DCHS2: variants seen among roughly 807,000 people sequenced by gnomAD.
The protein encoded by DCHS2 is dachsous cadherin-related 2.
In DCHS2, 142 loss-of-function variants were observed where a neutral mutation model predicts 182.4. That is an observed-to-expected ratio of 0.78 (90% CI 0.68 to 0.89). DCHS2 has a LOEUF of 0.89. DCHS2 is among the 40% of genes least tolerant of loss of function. The pLI is 0.00. For missense variants in DCHS2, 4,319 were observed against 4,198.6 expected (o/e 1.03, Z -0.79); for synonymous variants, 1,740 against 1,663.3 (o/e 1.05, Z -1.12).
At chr4:154,303,605 G>A (rs80135673) in intron 12 of DCHS2, among the ~76,000 whole-genome samples, 5,715 of 151,934 alleles carry the variant, frequency 0.038, 146 homozygotes, top group Non-Finnish European at 0.058. Flanking sequence ...CACTGATAAT[G>A]CAATGCTGTT....
intron 2 of DCHS2, among the ~76,000 whole-genome samples, chr4:154,369,901 CT>C (rs1475063650): frequency 1.3e-5 from 2 of 152,158 alleles, no homozygotes; most frequent in Non-Finnish European, 2.9e-5. Context: ...GGAGGGTCGC[CT>C]AGGGCAATCA....
intron 1 of DCHS2, among the ~76,000 whole-genome samples, chr4:154,406,432 C>T (rs1349992845): frequency 6.6e-6 from 1 of 152,254 alleles, no homozygotes; most frequent in Non-Finnish European, 1.5e-5. Flanking sequence ...CCCAGTCCTG[C>T]TCTGCCTATT....
intron 12 of DCHS2, among the ~76,000 whole-genome samples, chr4:154,302,844 A>T (rs1020033031): frequency 9.9e-6 from 1 of 101,436 alleles, no homozygotes; most frequent in African/African-American, 3.0e-5. Flanking sequence ...ATATACACAC[A>T]TATATGAAAT....
intron 1 of DCHS2, among the ~76,000 whole-genome samples, chr4:154,383,035 T>C (rs1461592674): frequency 1.3e-5 from 2 of 152,210 alleles, no homozygotes; most frequent in Non-Finnish European, 2.9e-5. Flanking sequence ...ACACATGCAC[T>C]TGCATATTCA....
At chr4:154,298,772 A>T in intron 12 of DCHS2, 64 bp from the exon 13 acceptor site, 1 of 1,507,776 alleles carries the variant, frequency 6.6e-7, no homozygotes, top group South Asian at 1.4e-5. Flanking sequence ...TGCTAGCACT[A>T]TCTATGGTAT....
chr4:154,257,165 T>C (rs1275486425), intron 15 of DCHS2, among the ~76,000 whole-genome samples: 4 of 152,138 alleles, frequency 2.6e-5, no homozygotes, highest in African/African-American at 7.2e-5. Flanking sequence ...GGAGAATTGC[T>C]TGTACCTGGG....
intron 7 of DCHS2, among the ~76,000 whole-genome samples, chr4:154,327,318 T>A (rs1736321925): frequency 6.6e-6 from 1 of 152,148 alleles, no homozygotes; most frequent in South Asian, 2.1e-4. Context: ...GTGAATGAGA[T>A]CTTTGGAAAC....
At chr4:154,367,485 A>G (rs544155150) in intron 2 of DCHS2, among the ~76,000 whole-genome samples, 1 of 152,264 alleles carries the variant, frequency 6.6e-6, no homozygotes, top group African/African-American at 2.4e-5. Flanking sequence ...AGTGGATCCC[A>G]TACTGCTTTT....
chr4:154,454,506 T>A (rs1409662774), intron 1 of DCHS2, among the ~76,000 whole-genome samples: 2 of 152,222 alleles, frequency 1.3e-5, no homozygotes, highest in African/African-American at 4.8e-5. Flanking sequence ...ACATATGGAC[T>A]TAAAAATTAT....
chr4:154,308,822 C>A (rs73854705), intron 10 of DCHS2, among the ~76,000 whole-genome samples: 63 of 152,266 alleles, frequency 4.1e-4, no homozygotes, highest in Middle Eastern at 6.8e-3. Flanking sequence ...ATGGTGCTTA[C>A]AATATAGCAC....
intron 14 of DCHS2, among the ~76,000 whole-genome samples, chr4:154,261,406 A>C (rs896155274): frequency 1.2e-4 from 18 of 152,186 alleles, no homozygotes; most frequent in African/African-American, 4.1e-4. Flanking sequence ...ATCTCTGTGA[A>C]CTCTGAATTT....
intron 1 of DCHS2, among the ~76,000 whole-genome samples, chr4:154,407,065 G>T (rs1008009523): frequency 1.3e-5 from 2 of 152,196 alleles, no homozygotes; most frequent in Non-Finnish European, 2.9e-5. Context: ...ACACATACTG[G>T]TGTCTGCAAT....
At chr4:154,464,899 T>C (rs907206174) in intron 1 of DCHS2, among the ~76,000 whole-genome samples, 1 of 152,160 alleles carries the variant, frequency 6.6e-6, no homozygotes, top group Non-Finnish European at 1.5e-5. Context: ...AACTCAGCTT[T>C]GAATTATTGC....
intron 1 of DCHS2, among the ~76,000 whole-genome samples, chr4:154,473,513 T>G (rs1424714103): frequency 4.6e-5 from 1 of 21,692 alleles, no homozygotes; most frequent in African/African-American, 5.0e-5. Flanking sequence ...ATGGAAATGT[T>G]TTTTGGTGCG....
At chr4:154,321,268 C>T (rs751328730) in intron 8 of DCHS2, 46 bp from the exon 9 acceptor site, 1 of 1,427,516 alleles carries the variant, frequency 7.0e-7, no homozygotes, top group Non-Finnish European at 9.2e-7. Context: ...ATTTTTAAAA[C>T]AGTTTAATGA....
chr4:154,412,759 A>G (rs1732683644), intron 1 of DCHS2, among the ~76,000 whole-genome samples: 1 of 152,178 alleles, frequency 6.6e-6, no homozygotes, highest in Non-Finnish European at 1.5e-5. Context: ...CATATAACAA[A>G]TGTTCACATA....
intron 1 of DCHS2, among the ~76,000 whole-genome samples, chr4:154,402,948 A>G (rs944422159): frequency 6.6e-6 from 1 of 152,132 alleles, no homozygotes; most frequent in Non-Finnish European, 1.5e-5. Context: ...CTATTTAACA[A>G]CTCAATTTTT....
At chr4:154,403,196 C>A (rs1403384478) in intron 1 of DCHS2, among the ~76,000 whole-genome samples, 1 of 152,060 alleles carries the variant, frequency 6.6e-6, no homozygotes, top group Non-Finnish European at 1.5e-5. Flanking sequence ...CTTCATATTA[C>A]AATACTGATT....
chr4:154,477,398 T>C (rs1735733072), intron 1 of DCHS2, among the ~76,000 whole-genome samples: 1 of 152,142 alleles, frequency 6.6e-6, no homozygotes, highest in Non-Finnish European at 1.5e-5. Flanking sequence ...GGAGACATAC[T>C]AACATTCAGA....
Sources: allele counts gnomAD v4.1 joint callset (sites outside exome capture counted in the v4.1 genomes callset), GRCh38; gene constraint gnomAD v4.1.1; transcripts MANE v1.5; gene names NCBI Gene and HGNC (gene_info 2026-07-23, HGNC 2026-07-21).